The following CPXM2 variants were observed in gnomAD, a reference collection of about 807,000 sequenced individuals.
CPXM2 encodes inactive carboxypeptidase-like protein X2.
Under a neutral mutation model 86.1 loss-of-function variants are expected in CPXM2, and 66 were observed. The observed-to-expected ratio is 0.77, with a 90% CI of 0.63 to 0.94. The LOEUF is 0.94. CPXM2 is among the 40% of genes least tolerant of loss of function. The pLI is 0.00. For synonymous variants in CPXM2, 388 were observed against 400.2 expected, an observed-to-expected ratio of 0.97 and a Z score of 0.36; for missense variants, 948 against 1,026.3, an observed-to-expected ratio of 0.92 and a Z score of 1.04.
chr10:123,889,807 C>G (rs2134247926), intron 1 of CPXM2, among the ~76,000 whole-genome samples: 1 of 152,242 alleles, frequency 6.6e-6, no homozygotes, highest in East Asian at 1.9e-4. Context: ...GTCTGGGGCT[C>G]TCTTCCACTT....
chr10:123,858,887 TTC>T (rs750096325), intron 3 of CPXM2, among the ~76,000 whole-genome samples: 1 of 152,206 alleles, frequency 6.6e-6, no homozygotes, highest in Non-Finnish European at 1.5e-5. Context: ...CCAAAGGCAA[TTC>T]TTTTTCTTTA....
intron 3 of CPXM2, among the ~76,000 whole-genome samples, chr10:123,850,724 C>T (rs905742724): frequency 2.0e-5 from 3 of 152,138 alleles, no homozygotes; most frequent in African/African-American, 7.2e-5. Flanking sequence ...AAGGTCTCAA[C>T]TTAATTTTAA....
chr10:123,905,728 TG>T (rs1157213014), intron 2 of CPXM2, among the ~76,000 whole-genome samples: 1 of 152,144 alleles, frequency 6.6e-6, no homozygotes, highest in Non-Finnish European at 1.5e-5. Context: ...CAGACCATCC[TG>T]GGGGTCCCCT....
At chr10:123,773,367 GGTTGTGGTTATCACTTCCTTT>G (rs1357618875) in intron 7 of CPXM2, among the ~76,000 whole-genome samples, 1 of 152,018 alleles carries the variant, frequency 6.6e-6, no homozygotes, top group Non-Finnish European at 1.5e-5. Flanking sequence ...TCATTCCCCT[GGTTGTGGTTATCACTTCCTTT>G]GTTGTGGATC....
chr10:123,794,502 C>CA (rs1156971376), intron 6 of CPXM2, among the ~76,000 whole-genome samples: 2 of 152,122 alleles, frequency 1.3e-5, no homozygotes, highest in Non-Finnish European at 2.9e-5. Flanking sequence ...TTTGCAACAG[C>CA]AAAATCTCTG....
chr10:123,747,993 G>A (rs1846002327), intron 13 of CPXM2, among the ~76,000 whole-genome samples: 1 of 150,838 alleles, frequency 6.6e-6, no homozygotes, highest in Non-Finnish European at 1.5e-5. Context: ...AACCTGGTGA[G>A]AACATTTAGA....
chr10:123,862,867 T>C (rs556021010), intron 2 of CPXM2, 144 bp from the exon 3 acceptor site: 2 of 694,380 alleles, frequency 2.9e-6, no homozygotes, highest in East Asian at 2.7e-5. Context: ...ACACGGTTGA[T>C]TGAACTGTCA....
intron 2 of CPXM2, among the ~76,000 whole-genome samples, chr10:123,876,337 G>A (rs1944987273): frequency 6.6e-6 from 1 of 152,196 alleles, no homozygotes; most frequent in Non-Finnish European, 1.5e-5. Flanking sequence ...ATCCAGAGAT[G>A]AATCAGACAA....
intron 4 of CPXM2, among the ~76,000 whole-genome samples, chr10:123,817,081 CA>C (rs1188659379): frequency 3.9e-5 from 6 of 152,336 alleles, no homozygotes; most frequent in African/African-American, 1.2e-4. Flanking sequence ...GCCCCTCCTA[CA>C]ACCAAGAAAG....
intron 12 of CPXM2, among the ~76,000 whole-genome samples, chr10:123,755,280 G>A (rs1815572151): frequency 6.6e-6 from 1 of 152,230 alleles, no homozygotes; most frequent in South Asian, 2.1e-4. Flanking sequence ...TGTCTGCTGA[G>A]GGGGAAGTGA....
At chr10:123,793,727 C>T (rs1847261623) in intron 6 of CPXM2, among the ~76,000 whole-genome samples, 1 of 152,150 alleles carries the variant, frequency 6.6e-6, no homozygotes, top group African/African-American at 2.4e-5. Flanking sequence ...CTGCTTGATG[C>T]CCTCTACCTA....
chr10:123,846,415 A>T (rs1848496282), intron 3 of CPXM2, among the ~76,000 whole-genome samples: 1 of 152,178 alleles, frequency 6.6e-6, no homozygotes, highest in Non-Finnish European at 1.5e-5. Context: ...ATCTAATACC[A>T]CTGCTGATCT....
chr10:123,831,514 G>A (rs1848165699), intron 4 of CPXM2, among the ~76,000 whole-genome samples: 2 of 152,156 alleles, frequency 1.3e-5, no homozygotes, highest in South Asian at 4.1e-4. Flanking sequence ...ATTTACTATT[G>A]CTGACACAAA....
chr10:123,859,290 T>C (rs1470294246), intron 3 of CPXM2, among the ~76,000 whole-genome samples: 1 of 152,248 alleles, frequency 6.6e-6, no homozygotes, highest in East Asian at 1.9e-4. Flanking sequence ...AACCGTTCTG[T>C]GTGGGGAGAT....
intron 2 of CPXM2, among the ~76,000 whole-genome samples, chr10:123,867,677 C>A (rs539404367): frequency 7.9e-5 from 12 of 152,084 alleles, no homozygotes; most frequent in African/African-American, 2.4e-4. Flanking sequence ...GGATTATAGG[C>A]GCCTGCAACC....
chr10:123,942,320 A>G (rs1454594330), upstream of CPXM2, among the ~76,000 whole-genome samples: 14 of 152,192 alleles, frequency 9.2e-5, no homozygotes, highest in Admixed American at 9.2e-4. Flanking sequence ...CTGCATTCCC[A>G]GGAGGTTAGG....
chr10:123,901,551 A>G (rs953493724), intron 2 of CPXM2, among the ~76,000 whole-genome samples: 3 of 151,640 alleles, frequency 2.0e-5, no homozygotes, highest in Non-Finnish European at 2.9e-5. Context: ...TCTGTTTCTG[A>G]GAAGGTTAAC....
chr10:123,801,557 A>G (rs1165695375), intron 4 of CPXM2, among the ~76,000 whole-genome samples: 1 of 152,092 alleles, frequency 6.6e-6, no homozygotes, highest in African/African-American at 2.4e-5. Flanking sequence ...TCACTCTCTC[A>G]GGCCCCCTGG....
chr10:123,875,353 G>A (rs1035042968), intron 2 of CPXM2, among the ~76,000 whole-genome samples: 4 of 152,192 alleles, frequency 2.6e-5, no homozygotes, highest in African/African-American at 9.7e-5. Context: ...TCTGTCAAGA[G>A]GGGTGTGACT....
Sources: allele counts gnomAD v4.1 joint callset (sites outside exome capture counted in the v4.1 genomes callset), GRCh38; gene constraint gnomAD v4.1.1; transcripts MANE v1.5; gene names NCBI Gene and HGNC (gene_info 2026-07-23, HGNC 2026-07-21).